Variants in CDH8 observed in about 807,000 individuals in gnomAD.
CDH8 encodes the protein cadherin 8, also known as cadherin-8.
CDH8 carries 17 observed loss-of-function variants against 68.1 expected under a neutral mutation model. That is an observed-to-expected ratio of 0.25 (90% CI 0.17 to 0.37). The LOEUF is 0.37. Among genes scored for constraint, CDH8 ranks in the 10% least tolerant of loss-of-function variants. The probability of loss-of-function intolerance (pLI) is 1.00; values close to 1 mark genes in which losing one functional copy is unlikely to be tolerated. For missense variants in CDH8, 763 were observed against 999.3 expected (o/e 0.76, Z 3.19); for synonymous variants, 372 against 365.1 (o/e 1.02, Z -0.21).
At chr16:61,687,212 A>G (rs1964127090) in intron 10 of CDH8, among the ~76,000 whole-genome samples, 1 of 151,976 alleles carries the variant, frequency 6.6e-6, no homozygotes, top group South Asian at 2.1e-4. Flanking sequence ...CACAACTGTA[A>G]AAGAAAGTGG....
intron 8 of CDH8, among the ~76,000 whole-genome samples, chr16:61,776,423 A>T (rs919231018): frequency 6.6e-6 from 1 of 152,128 alleles, no homozygotes; most frequent in Admixed American, 6.6e-5. Context: ...TATAAAAAAA[A>T]ATTGTTAGAA....
At chr16:61,946,863 G>T (rs1036082987) in intron 2 of CDH8, among the ~76,000 whole-genome samples, 1 of 152,174 alleles carries the variant, frequency 6.6e-6, no homozygotes, top group African/African-American at 2.4e-5. Flanking sequence ...AAACTGAATA[G>T]CAATACTTCT....
chr16:61,695,525 C>A (rs1011050906), intron 10 of CDH8, among the ~76,000 whole-genome samples: 3 of 152,262 alleles, frequency 2.0e-5, no homozygotes, highest in African/African-American at 4.8e-5. Context: ...AACAACCCTG[C>A]AGATTCTGTC....
intron 11 of CDH8, 146 bp downstream of exon 11, chr16:61,655,324 A>G: frequency 1.3e-6 from 1 of 758,854 alleles, no homozygotes; most frequent in Non-Finnish European, 2.1e-6. Context: ...CACTTATTAG[A>G]GATCTCAAAA....
rs1184073816 is a variant in CDH8 at position 61,808,001 on chromosome 16, C to T, written c.1277+9478G>A. On this transcript the variant is annotated intron_variant, in intron 7 of 11. Coordinates refer to ENST00000577390, the MANE Select transcript of CDH8 (RefSeq NM_001796.5). Reference sequence around the variant, plus strand: ...ATATGTGTAATTCAGGGAGTTAATGCTACAAAGTGTAAATGTAAATGAAAT... The same window carrying T: ...ATATGTGTAATTCAGGGAGTTAATGTTACAAAGTGTAAATGTAAATGAAAT... Among the ~76,000 whole-genome samples the T allele has an allele frequency of 3.9e-5, 6 of 152,234 alleles. No individual in the cohort carries two copies. In the South Asian group the frequency reaches 6.2e-4, roughly 16 times the overall value.
chr16:61,854,153 C>T (rs1003360224), intron 4 of CDH8, among the ~76,000 whole-genome samples: 2 of 151,190 alleles, frequency 1.3e-5, no homozygotes, highest in Non-Finnish European at 2.9e-5. Context: ...CACACACACA[C>T]ACACACTGCA....
chr16:61,993,543 G>A (rs1209045507), intron 2 of CDH8, among the ~76,000 whole-genome samples: 2 of 152,104 alleles, frequency 1.3e-5, no homozygotes, highest in African/African-American at 4.8e-5. Context: ...TGCAATAGTA[G>A]TAGTAATGGC....
chr16:61,666,874 A>T (rs1425382787), intron 10 of CDH8, among the ~76,000 whole-genome samples: 2 of 152,034 alleles, frequency 1.3e-5, no homozygotes, highest in Non-Finnish European at 2.9e-5. Context: ...TCAGCATATT[A>T]GAAGGATATA....
At chr16:61,999,781 A>G (rs1164287706) in intron 2 of CDH8, among the ~76,000 whole-genome samples, 1 of 152,104 alleles carries the variant, frequency 6.6e-6, no homozygotes, top group African/African-American at 2.4e-5. Context: ...AAAAAAAATT[A>G]TAATGAATTC....
In CDH8 at chr16:61,653,032, T is replaced by C. The variant is rs1963359360; in HGVS notation, c.*576A>G. 1.4e-6 allele frequency: 2 copies of C among 1,406,250 alleles called. No homozygotes were observed. Among genetic ancestry groups the C allele is most frequent in the Non-Finnish European group, 1.8e-6 (2 of 1,081,296 alleles). The allele number at this position is 1,406,250 out of a possible 1,614,324, so 87.1% of individuals were successfully genotyped here. On this transcript the variant is annotated 3_prime_UTR_variant, in exon 12 of 12. Coordinates refer to ENST00000577390, the MANE Select transcript of CDH8 (RefSeq NM_001796.5). ...ATATTTAAAGATGCTATTCAGTCTC[T>C]AGTGAGTGGGGCCAACAATTATGTA...
At chr16:61,915,287 CAAG>C (rs1760050670) in intron 2 of CDH8, among the ~76,000 whole-genome samples, 1 of 152,134 alleles carries the variant, frequency 6.6e-6, no homozygotes, top group Non-Finnish European at 1.5e-5. Context: ...GCCATTTCTT[CAAG>C]AATACTAATT....
Position 61,992,077 on chromosome 16 carries a change from T to TGTGTGTGTGTGTGTGTGA in CDH8, c.252+29074_252+29075insTCACACACACACACACAC, listed in dbSNP as rs34925928. Among the ~76,000 whole-genome samples the TGTGTGTGTGTGTGTGTGA allele has an allele frequency of 1.0e-3, 145 of 144,242 alleles. 2 individuals are homozygous for TGTGTGTGTGTGTGTGTGA. In the East Asian group the frequency reaches 0.018, roughly 18 times the overall value. The allele number at this position is 144,242 out of a possible 152,430, so 94.6% of individuals were successfully genotyped here. A position where few individuals can be genotyped will look rare whatever the true frequency, so the allele number is the denominator to read the frequency against. On this transcript the variant is annotated intron_variant, in intron 2 of 11. Transcript: ENST00000577390. ...GTGTGTGTGTGTGTGTGTGTGTGTG[T>TGTGTGTGTGTGTGTGTGA]GAGAGAGAGAGAGAGATTTTTACAG...
intron 10 of CDH8, among the ~76,000 whole-genome samples, chr16:61,697,769 G>A (rs1596876672): frequency 6.6e-6 from 1 of 152,184 alleles, no homozygotes; most frequent in African/African-American, 2.4e-5. Context: ...GAGATAACAG[G>A]CGTAAGCCAT....
intron 3 of CDH8, among the ~76,000 whole-genome samples, chr16:61,896,193 C>T (rs1963866460): frequency 6.6e-6 from 1 of 152,146 alleles, no homozygotes; most frequent in Admixed American, 6.5e-5. Context: ...ATCAGACAAG[C>T]TCACAAGCTC....
chr16:61,832,877 T>A (rs1962490451), intron 4 of CDH8, among the ~76,000 whole-genome samples: 1 of 151,764 alleles, frequency 6.6e-6, no homozygotes, highest in Admixed American at 6.6e-5. Context: ...CATATAAAAA[T>A]TTGGAAATAA....
chr16:61,938,379 A>G (rs1420235306), intron 2 of CDH8, among the ~76,000 whole-genome samples: 1 of 152,192 alleles, frequency 6.6e-6, no homozygotes, highest in Non-Finnish European at 1.5e-5. Flanking sequence ...TTGCATTTAG[A>G]TATTAATGAG....
intron 2 of CDH8, among the ~76,000 whole-genome samples, chr16:61,979,812 G>T (rs1402091854): frequency 6.6e-6 from 1 of 152,146 alleles, no homozygotes; most frequent in Non-Finnish European, 1.5e-5. Flanking sequence ...TTTTATGCCA[G>T]ATACTGCGAT....
At chr16:61,981,682 G>A (rs1240309591) in intron 2 of CDH8, among the ~76,000 whole-genome samples, 1 of 145,312 alleles carries the variant, frequency 6.9e-6, no homozygotes, top group African/African-American at 2.8e-5. Context: ...GTGTGTGTGT[G>A]CGCGCGCGCG....
intron 10 of CDH8, among the ~76,000 whole-genome samples, chr16:61,706,642 A>AAAAAG (rs1425357949): frequency 6.6e-6 from 1 of 151,474 alleles, no homozygotes; most frequent in Non-Finnish European, 1.5e-5. Context: ...AAAAAAAAAA[A>AAAAAG]AAGTGTAACT....
Sources: gnomAD v4.1 joint callset for allele counts (sites outside exome capture counted in the v4.1 genomes callset) on GRCh38, gnomAD v4.1.1 for gene constraint, MANE v1.5 for transcripts, NCBI Gene and HGNC (gene_info 2026-07-23, HGNC 2026-07-21) for gene names.